Variants in ZBTB46 observed in about 807,000 individuals in gnomAD.
The protein encoded by ZBTB46 is zinc finger and BTB domain containing 46.
A neutral mutation model predicts 44.1 loss-of-function variants in ZBTB46; 8 were observed. The ratio of observed to expected loss-of-function variants is 0.18; its 90% CI spans 0.11 to 0.33. ZBTB46 has a LOEUF of 0.33. Among genes scored for constraint, ZBTB46 ranks in the 10% least tolerant of loss-of-function variants. The pLI, the probability that ZBTB46 is intolerant of heterozygous loss-of-function variation, is 1.00. For synonymous variants in ZBTB46, 409 were observed against 382.3 expected, an observed-to-expected ratio of 1.07 and a Z score of -0.81; for missense variants, 651 against 847.7, an observed-to-expected ratio of 0.77 and a Z score of 2.88.
At chr20:63,832,778 C>G (rs1229974444), upstream of ZBTB46, among the ~76,000 whole-genome samples, 1 of 152,174 alleles carries the variant, frequency 6.6e-6, no homozygotes, top group Non-Finnish European at 1.5e-5. The surrounding 1 kb of genome is among the most constrained non-coding windows in gnomAD (Gnocchi z 5.0). Flanking sequence ...TAGCCCCAGC[C>G]TCACCGACCT....
chr20:63,813,918 G>C (rs543962708), intron 1 of ZBTB46, among the ~76,000 whole-genome samples: 1 of 152,256 alleles, frequency 6.6e-6, no homozygotes, highest in African/African-American at 2.4e-5. Flanking sequence ...ACTGAGATTT[G>C]CTTTAAAACA....
chr20:63,826,203 T>C (rs1205716520), intron 1 of ZBTB46, among the ~76,000 whole-genome samples: 2 of 152,280 alleles, frequency 1.3e-5, no homozygotes, highest in African/African-American at 4.8e-5. Context: ...TAAACGAAAA[T>C]GTCTTACAAA....
chr20:63,806,814 G>A (rs2092684549), intron 1 of ZBTB46, among the ~76,000 whole-genome samples: 1 of 149,188 alleles, frequency 6.7e-6, no homozygotes, highest in African/African-American at 2.5e-5. Flanking sequence ...ATGGAGTCTC[G>A]CTCTGTCGGC....
At chr20:63,749,739 G>C (rs1449251639) in intron 4 of ZBTB46, among the ~76,000 whole-genome samples, 1 of 152,264 alleles carries the variant, frequency 6.6e-6, no homozygotes, top group East Asian at 1.9e-4. Context: ...GGCCCAGGAA[G>C]GGTTGGAGCG....
At chr20:63,776,289 C>G (rs6089991) in intron 2 of ZBTB46, among the ~76,000 whole-genome samples, 1 of 152,226 alleles carries the variant, frequency 6.6e-6, no homozygotes, top group South Asian at 2.1e-4. Context: ...GGCCGAGGGC[C>G]TGAGAGTCAG....
Position 63,747,076 on chromosome 20 carries a change from G to A in ZBTB46, c.1624C>T (p.Arg542Ter), listed in dbSNP as rs768236929. The A allele has an allele frequency of 3.1e-6, 5 of 1,608,872 alleles. No individual in the cohort carries two copies. Among genetic ancestry groups the A allele is most frequent in the East Asian group, 2.2e-5 (1 of 44,778 alleles). Residue 542 changes from arginine to a stop codon, truncating the protein, a stop_gained, in exon 5 of 5, where the codon CGA (arginine) becomes TGA (stop). Transcript: ENST00000245663. LOFTEE classifies it low-confidence loss of function (END_TRUNC). ...TCGCCCAGCTCCTCCGCCTCCCCTC[G>A]TGGGTCCTCAGGGTCCTCCAGATAG... is the stretch of plus-strand genomic sequence containing the variant. Reference protein sequence around the residue: ...GPYLEDPEDPRGEAEELGEDD... With the variant: ...GPYLEDPEDP
At chr20:63,815,517 G>C (rs1293572198) in intron 1 of ZBTB46, among the ~76,000 whole-genome samples, 1 of 147,562 alleles carries the variant, frequency 6.8e-6, no homozygotes, top group Non-Finnish European at 1.5e-5. Flanking sequence ...AGTGAGTGCA[G>C]GTGCAGGTGG....
At chr20:63,796,406 CG>C (rs1360972934) in intron 1 of ZBTB46, among the ~76,000 whole-genome samples, 1 of 152,228 alleles carries the variant, frequency 6.6e-6, no homozygotes, top group Non-Finnish European at 1.5e-5. Context: ...AACCACTCAG[CG>C]GGCAAGAACG....
intron 1 of ZBTB46, among the ~76,000 whole-genome samples, chr20:63,820,582 G>A (rs1028465298): frequency 3.3e-5 from 5 of 149,916 alleles, no homozygotes; most frequent in African/African-American, 9.8e-5. Context: ...TTACAGGCGC[G>A]CCACCATGCC....
intron 3 of ZBTB46, among the ~76,000 whole-genome samples, chr20:63,762,669 C>T (rs2092287189): frequency 9.5e-6 from 1 of 105,460 alleles, no homozygotes; most frequent in South Asian, 3.5e-4. Context: ...AACAAACAAA[C>T]AAACAAACAA....
chr20:63,801,665 A>T (rs1376905882), intron 1 of ZBTB46, among the ~76,000 whole-genome samples: 1 of 152,188 alleles, frequency 6.6e-6, no homozygotes, highest in African/African-American at 2.4e-5. Flanking sequence ...GCCAGCCAAG[A>T]CCACGAACCC....
chr20:63,783,208 T>A (rs776979671), intron 2 of ZBTB46, among the ~76,000 whole-genome samples: 2 of 151,870 alleles, frequency 1.3e-5, no homozygotes, highest in Non-Finnish European at 2.9e-5. Flanking sequence ...GGTGGGTGGA[T>A]CACAAGTTCA....
At chr20:63,760,126 C>T (rs944201790) in intron 3 of ZBTB46, among the ~76,000 whole-genome samples, 2 of 152,202 alleles carry the variant, frequency 1.3e-5, no homozygotes, top group African/African-American at 4.8e-5. Context: ...CAAGACCATG[C>T]CAGCTTAGAT....
chr20:63,819,779 A>G (rs939513339), intron 1 of ZBTB46, among the ~76,000 whole-genome samples: 1 of 152,152 alleles, frequency 6.6e-6, no homozygotes, highest in African/African-American at 2.4e-5. Context: ...TCCGCCAACA[A>G]GTAAGAAAAG....
intron 4 of ZBTB46, among the ~76,000 whole-genome samples, chr20:63,751,307 G>C (rs1367886951): frequency 2.0e-5 from 3 of 152,172 alleles, no homozygotes; most frequent in Non-Finnish European, 4.4e-5. Context: ...CCCCTCCCAG[G>C]ACTGTTCCTT....
intron 1 of ZBTB46, among the ~76,000 whole-genome samples, chr20:63,798,173 A>G (rs1177757526): frequency 6.6e-6 from 1 of 152,148 alleles, no homozygotes; most frequent in Non-Finnish European, 1.5e-5. Context: ...TAATTTTTGT[A>G]TAACGTGTAA....
intron 3 of ZBTB46, among the ~76,000 whole-genome samples, chr20:63,762,528 C>T (rs1399176351): frequency 6.6e-6 from 1 of 152,100 alleles, no homozygotes; most frequent in Non-Finnish European, 1.5e-5. Flanking sequence ...GTGGCACGCG[C>T]CTGTACTGCC....
chr20:63,769,473 C>T (rs2092348726), intron 3 of ZBTB46: 8 of 982,452 alleles, frequency 8.1e-6, no homozygotes, highest in Non-Finnish European at 8.5e-6. Flanking sequence ...GACGATCTTC[C>T]CGGCATGCGG....
rs1478235479 is a variant in ZBTB46, at chr20:63,746,792, T to TG, written c.*137dup. ...GCTTAGCCCGCAGGGCTGGTTTCCG[T>TG]GGGGGGTGGGTTCAGGGGGAAGCAG... On this transcript the variant is annotated 3_prime_UTR_variant, in exon 5 of 5. Coordinates refer to ENST00000245663, the MANE Select transcript of ZBTB46 (RefSeq NM_001369741.1). 5 of 1,301,048 alleles carry TG rather than the reference T, an allele frequency of 3.8e-6. No individual in the cohort carries two copies. The highest frequency in any genetic ancestry group is 2.8e-5 in the East Asian group (1 of 35,850). The allele number at this position is 1,301,048 out of a possible 1,614,324, so 80.6% of individuals were successfully genotyped here.
Sources: allele counts gnomAD v4.1 joint callset (sites outside exome capture counted in the v4.1 genomes callset), GRCh38; gene constraint gnomAD v4.1.1; non-coding constraint Gnocchi (gnomAD v3.1); transcripts MANE v1.5; gene names NCBI Gene and HGNC (gene_info 2026-07-23, HGNC 2026-07-21).